Variants in MAST4 observed in about 807,000 individuals in gnomAD.
The protein encoded by MAST4 is microtubule associated serine/threonine kinase family member 4.
MAST4 carries 89 observed loss-of-function variants against 162.7 expected under a neutral mutation model. The ratio of observed to expected loss-of-function variants is 0.55; its 90% CI spans 0.46 to 0.65. The LOEUF (loss-of-function observed/expected upper bound fraction) is 0.65. MAST4 is among the 30% of genes least tolerant of loss of function. The probability of loss-of-function intolerance (pLI) is 0.00; values close to 1 mark genes in which losing one functional copy is unlikely to be tolerated. For missense variants in MAST4, 3,153 were observed against 3,374.0 expected, an observed-to-expected ratio of 0.93 and a Z score of 1.62; for synonymous variants, 1,479 against 1,361.1, an observed-to-expected ratio of 1.09 and a Z score of -1.91.
At chr5:66,621,631 G>A (rs978625838) in intron 1 of MAST4, among the ~76,000 whole-genome samples, 1 of 152,122 alleles carries the variant, frequency 6.6e-6, no homozygotes, top group Non-Finnish European at 1.5e-5. Context: ...AAAGTCACTA[G>A]TGTATTCTAG....
At chr5:66,779,306 A>G (rs1754743112) in intron 2 of MAST4, among the ~76,000 whole-genome samples, 1 of 151,200 alleles carries the variant, frequency 6.6e-6, no homozygotes, top group African/African-American at 2.4e-5. Flanking sequence ...TCAGTTGGAG[A>G]TCATTGGTCA....
intron 5 of MAST4, among the ~76,000 whole-genome samples, chr5:67,080,970 A>G (rs1444612739): frequency 7.4e-6 from 1 of 134,738 alleles, no homozygotes; most frequent in Non-Finnish European, 1.5e-5. Flanking sequence ...AATTGTATAT[A>G]TTATATAATA....
At chr5:66,659,472 C>T (rs1404581338) in intron 1 of MAST4, among the ~76,000 whole-genome samples, 2 of 152,170 alleles carry the variant, frequency 1.3e-5, no homozygotes, top group Non-Finnish European at 2.9e-5. Flanking sequence ...AATCTAAAAG[C>T]TGGTCTTAAT....
chr5:67,163,444 CCAT>C lies in MAST4; in HGVS notation c.4267_4269del (p.Ile1423del). The C allele has an allele frequency of 6.2e-7, 1 of 1,613,464 alleles. No homozygotes were observed. The highest frequency in any genetic ancestry group is 8.5e-7 in the Non-Finnish European group (1 of 1,179,882). ...CCCAGCAAGATGCACTCCCCGCCCA[CCAT>C]CGTCAGACACATCGTGAGGCCCAAG... On this transcript the variant is annotated inframe_deletion, in exon 29 of 29. Transcript: ENST00000403625. The surrounding 1 kb of genome is among the most constrained non-coding windows in gnomAD (Gnocchi z 7.0).
At chr5:66,677,807 A>G (rs190821920) in intron 1 of MAST4, among the ~76,000 whole-genome samples, 12 of 152,130 alleles carry the variant, frequency 7.9e-5, no homozygotes, top group Non-Finnish European at 4.4e-5. Context: ...TTGGAGGAGG[A>G]GGTGGTGGGC....
chr5:66,605,863 A>G (rs1290984013), intron 1 of MAST4, among the ~76,000 whole-genome samples: 1 of 152,190 alleles, frequency 6.6e-6, no homozygotes, highest in Non-Finnish European at 1.5e-5. Context: ...CAAGATTTCC[A>G]CTTTTGACAT....
At chr5:67,069,746 A>G (rs1171879318) in intron 5 of MAST4, among the ~76,000 whole-genome samples, 1 of 152,162 alleles carries the variant, frequency 6.6e-6, no homozygotes, top group African/African-American at 2.4e-5. Context: ...TGGTAGTTAT[A>G]TCTATCCGCT....
chr5:66,995,438 CTG>C (rs1317458970), intron 4 of MAST4, among the ~76,000 whole-genome samples: 1 of 152,308 alleles, frequency 6.6e-6, no homozygotes, highest in Non-Finnish European at 1.5e-5. Flanking sequence ...GAGTCTCACT[CTG>C]TCTCCCAGGT....
chr5:66,897,144 G>T (rs551036624), intron 3 of MAST4, among the ~76,000 whole-genome samples: 1 of 152,120 alleles, frequency 6.6e-6, no homozygotes, highest in East Asian at 1.9e-4. Context: ...AGTTCAGATG[G>T]ATACTTCTTG....
chr5:67,123,858 T>C (rs1222757556), intron 14 of MAST4, among the ~76,000 whole-genome samples: 1 of 152,226 alleles, frequency 6.6e-6, no homozygotes, highest in East Asian at 1.9e-4. Context: ...GCCCAGGACA[T>C]GTGCCAAAGA....
chr5:66,791,442 A>C (rs1755403163), intron 3 of MAST4, among the ~76,000 whole-genome samples: 1 of 152,258 alleles, frequency 6.6e-6, no homozygotes, highest in Non-Finnish European at 1.5e-5. Flanking sequence ...AAGAGGTTGC[A>C]GTAAGAACTA....
At chr5:66,818,961 A>T (rs1393727434) in intron 3 of MAST4, among the ~76,000 whole-genome samples, 1 of 152,194 alleles carries the variant, frequency 6.6e-6, no homozygotes, top group African/African-American at 2.4e-5. Flanking sequence ...GATTAATGAG[A>T]TAGAATCTGG....
chr5:66,789,385 T>C (rs1335351170), intron 3 of MAST4, among the ~76,000 whole-genome samples: 6 of 152,218 alleles, frequency 3.9e-5, no homozygotes, highest in Non-Finnish European at 8.8e-5. Flanking sequence ...TTTATAGAAT[T>C]TTCCCTCTCC....
intron 3 of MAST4, among the ~76,000 whole-genome samples, chr5:66,840,945 G>A (rs1758380953): frequency 2.0e-5 from 3 of 152,092 alleles, no homozygotes; most frequent in Admixed American, 2.0e-4. Context: ...CATATGTTGT[G>A]GTTAAGAGCA....
intron 3 of MAST4, among the ~76,000 whole-genome samples, chr5:66,830,425 C>T (rs1306212952): frequency 1.3e-5 from 2 of 152,134 alleles, no homozygotes; most frequent in African/African-American, 4.8e-5. Flanking sequence ...GAGCTATTTT[C>T]TATTTAAAAT....
intron 4 of MAST4, among the ~76,000 whole-genome samples, chr5:66,953,729 G>A (rs183366474): frequency 6.6e-6 from 1 of 152,212 alleles, no homozygotes; most frequent in East Asian, 1.9e-4. Flanking sequence ...CAGTGATGCC[G>A]AGGGTCCTGC....
intron 3 of MAST4, among the ~76,000 whole-genome samples, 167 bp downstream of exon 3, chr5:66,788,961 TA>T (rs1755255810): frequency 6.6e-6 from 1 of 152,258 alleles, no homozygotes; most frequent in Admixed American, 6.5e-5. Context: ...TCTGCACCTG[TA>T]CCCAGTTTGG....
rs990589825 is a variant in MAST4 at position 67,130,226 on chromosome 5, C to G, written c.1762C>G (p.Arg588Gly). The change falls in exon 15 of 29, where the codon CGG becomes GGG. Residue 588 changes from arginine to glycine, a missense_variant. Arg to Gly is a moderately radical substitution (Grantham distance 125). Transcript: ENST00000403625. ...NGAYGAVYFV[R>G]HKESRQRFAM... ...CCTTTTCAGGGCAGTCTACTTTGTT[C>G]GGCATAAAGAATCCCGGCAGAGGTT... The G allele has an allele frequency of 2.5e-6, 4 of 1,612,332 alleles. No homozygotes were observed. The highest frequency in any genetic ancestry group is 3.4e-6 in the Non-Finnish European group (4 of 1,179,050).
At chr5:66,734,331 A>G (rs1752035934) in intron 1 of MAST4, among the ~76,000 whole-genome samples, 1 of 152,176 alleles carries the variant, frequency 6.6e-6, no homozygotes. Flanking sequence ...GGCAAGGAAG[A>G]ATAATCCATA....
Sources: gnomAD v4.1 joint callset for allele counts (sites outside exome capture counted in the v4.1 genomes callset) on GRCh38, gnomAD v4.1.1 for gene constraint, Gnocchi (gnomAD v3.1) non-coding constraint, MANE v1.5 for transcripts, NCBI Gene and HGNC (gene_info 2026-07-23, HGNC 2026-07-21) for gene names.